The following FBXL7 variants were observed in gnomAD, a reference collection of about 807,000 sequenced individuals.
FBXL7 encodes the protein F-box/LRR-repeat protein 7.
A neutral mutation model predicts 38.3 loss-of-function variants in FBXL7; 12 were observed. The ratio of observed to expected loss-of-function variants is 0.31; its 90% CI spans 0.20 to 0.51. The LOEUF (loss-of-function observed/expected upper bound fraction) is 0.51, where lower values mean the gene tolerates loss of function less well. Among genes scored for constraint, FBXL7 ranks in the 20% least tolerant of loss-of-function variants. FBXL7 has a pLI of 0.98. For missense variants in FBXL7, 567 were observed against 676.4 expected (o/e 0.84, Z 1.79); for synonymous variants, 297 against 300.9 (o/e 0.99, Z 0.13).
Position 15,500,601 on chromosome 5 carries a change from T to C in FBXL7, c.-76T>C. ...GCTAACGGTCCCGTCGGGCGGGCTTTCCTCGGGCCGAGCGCGCAGGACGTG... is the reference window on the plus strand; with the variant it reads ...GCTAACGGTCCCGTCGGGCGGGCTTCCCTCGGGCCGAGCGCGCAGGACGTG... On this transcript the variant is annotated 5_prime_UTR_variant, in exon 1 of 4. Transcript: ENST00000504595. 6.2e-7 allele frequency: 1 copy of C among 1,605,054 alleles called. No individual in the cohort carries two copies. The highest frequency in any genetic ancestry group is 8.5e-7 in the Non-Finnish European group (1 of 1,172,332).
intron 2 of FBXL7, among the ~76,000 whole-genome samples, chr5:15,702,235 C>CAA (rs34269968): frequency 0.038 from 5,228 of 136,998 alleles, 126 homozygotes; most frequent in East Asian, 0.075. Context: ...AGACTCCTCT[C>CAA]AAAAAAAAAA....
intron 1 of FBXL7, among the ~76,000 whole-genome samples, chr5:15,597,798 A>G (rs1234857774): frequency 6.6e-6 from 1 of 152,220 alleles, no homozygotes; most frequent in East Asian, 1.9e-4. Flanking sequence ...ATCAAGTCTC[A>G]GTACATCAAG....
chr5:15,617,751 T>G (rs1740502965), intron 2 of FBXL7, among the ~76,000 whole-genome samples: 3 of 152,172 alleles, frequency 2.0e-5, no homozygotes. Context: ...ACATTTACTT[T>G]TGAAGCTTTC....
chr5:15,727,698 G>T (rs1419925181), intron 2 of FBXL7, among the ~76,000 whole-genome samples: 1 of 152,042 alleles, frequency 6.6e-6, no homozygotes, highest in Non-Finnish European at 1.5e-5. Flanking sequence ...CTTGGTATGG[G>T]TCACTTTGAG....
intron 2 of FBXL7, among the ~76,000 whole-genome samples, chr5:15,781,111 G>A (rs1053043814): frequency 5.9e-5 from 9 of 152,254 alleles, no homozygotes; most frequent in East Asian, 1.9e-4. Flanking sequence ...CAATGGTCCC[G>A]TTTGAGGAAG....
Position 15,625,723 on chromosome 5 carries a change from G to A in FBXL7, c.127+9651G>A, listed in dbSNP as rs142593097. Among the ~76,000 whole-genome samples, 474 of 152,112 alleles carry A rather than the reference G, an allele frequency of 3.1e-3. 3 individuals are homozygous for A. The highest frequency in any genetic ancestry group is 0.011 in the African/African-American group (442 of 41,482). On this transcript the variant is annotated intron_variant, in intron 2 of 3. Transcript: ENST00000504595. ...CAAAACTAAAACCCAACTGAGCCAT[G>A]GAATTTTTCTTTAATTGGAAATATA... is the stretch of plus-strand genomic sequence containing the variant.
At chr5:15,827,108 A>T (rs1449268705) in intron 2 of FBXL7, among the ~76,000 whole-genome samples, 3 of 151,804 alleles carry the variant, frequency 2.0e-5, no homozygotes, top group Non-Finnish European at 4.4e-5. Flanking sequence ...CCACAAAGAC[A>T]TCCTTATAGC....
chr5:15,602,556 G>A (rs537711093), intron 1 of FBXL7, among the ~76,000 whole-genome samples: 12 of 152,156 alleles, frequency 7.9e-5, no homozygotes, highest in African/African-American at 1.2e-4. Context: ...TGACCATCAA[G>A]TGCAGAAGAC....
At chr5:15,667,840 C>T (rs567764074) in intron 2 of FBXL7, among the ~76,000 whole-genome samples, 1 of 152,046 alleles carries the variant, frequency 6.6e-6, no homozygotes, top group Non-Finnish European at 1.5e-5. Context: ...TTCGTTTGGG[C>T]CTTCATTTAT....
At chr5:15,668,728 A>G (rs1742364826) in intron 2 of FBXL7, among the ~76,000 whole-genome samples, 1 of 152,040 alleles carries the variant, frequency 6.6e-6, no homozygotes, top group East Asian at 1.9e-4. Context: ...GAAAAGTAAA[A>G]CTCATCAAGT....
intron 1 of FBXL7, among the ~76,000 whole-genome samples, chr5:15,583,998 G>A (rs1739228572): frequency 6.6e-6 from 1 of 152,186 alleles, no homozygotes; most frequent in Admixed American, 6.5e-5. Context: ...TGCACCCACA[G>A]GCTCAGTATT....
chr5:15,863,078 T>A lies in FBXL7; in HGVS notation c.128-64812T>A, dbSNP rs1014298570. Among the ~76,000 whole-genome samples, 3 of 152,138 alleles carry A rather than the reference T, an allele frequency of 2.0e-5. No homozygotes were observed. The East Asian group carries it at 5.8e-4, about 29-fold the overall frequency. ...TTGACTGCAATCCCCACACATGATG[T>A]ATAGCAAAGTGTTTAAACAGTGACC... On this transcript the variant is annotated intron_variant, in intron 2 of 3. Coordinates refer to ENST00000504595, the MANE Select transcript of FBXL7 (RefSeq NM_012304.5).
chr5:15,675,676 G>A (rs551881811), intron 2 of FBXL7, among the ~76,000 whole-genome samples: 13 of 152,216 alleles, frequency 8.5e-5, no homozygotes, highest in South Asian at 2.1e-4. Context: ...GCTAATATGC[G>A]GTTTATAAAA....
At chr5:15,684,398 G>A (rs2126614056) in intron 2 of FBXL7, among the ~76,000 whole-genome samples, 1 of 152,320 alleles carries the variant, frequency 6.6e-6, no homozygotes, top group East Asian at 1.9e-4. Context: ...GGGTATTAAA[G>A]GGTAAATAGG....
At chr5:15,626,364 A>C (rs1580417191) in intron 2 of FBXL7, among the ~76,000 whole-genome samples, 1 of 152,220 alleles carries the variant, frequency 6.6e-6, no homozygotes, top group Non-Finnish European at 1.5e-5. Flanking sequence ...TAAGCAGTGG[A>C]AAGCTCATCA....
intron 2 of FBXL7, among the ~76,000 whole-genome samples, chr5:15,902,028 C>T (rs953626143): frequency 6.6e-6 from 1 of 152,188 alleles, no homozygotes; most frequent in Non-Finnish European, 1.5e-5. Context: ...ACACTCCACT[C>T]CTCTCATGCT....
At chr5:15,778,583 A>G (rs1001030772) in intron 2 of FBXL7, among the ~76,000 whole-genome samples, 11 of 152,076 alleles carry the variant, frequency 7.2e-5, no homozygotes, top group African/African-American at 2.7e-4. Flanking sequence ...CTAAGTGAGA[A>G]GGCATTGATT....
At chr5:15,858,336 CTAAGA>C (rs1483996696) in intron 2 of FBXL7, among the ~76,000 whole-genome samples, 1 of 151,698 alleles carries the variant, frequency 6.6e-6, no homozygotes, top group Non-Finnish European at 1.5e-5. Flanking sequence ...GCATTGATAG[CTAAGA>C]TAAGGGATTA....
At chr5:15,707,841 C>T (rs1461110135) in intron 2 of FBXL7, among the ~76,000 whole-genome samples, 1 of 152,164 alleles carries the variant, frequency 6.6e-6, no homozygotes, top group East Asian at 1.9e-4. Context: ...TCCTGCTTGA[C>T]CACGTGAGAA....
Sources: gnomAD v4.1 joint callset for allele counts (sites outside exome capture counted in the v4.1 genomes callset) on GRCh38, gnomAD v4.1.1 for gene constraint, MANE v1.5 for transcripts, NCBI Gene and HGNC (gene_info 2026-07-23, HGNC 2026-07-21) for gene names.